NUP88: variants seen among roughly 807,000 people sequenced by gnomAD.
NUP88 encodes the protein nuclear pore complex protein Nup88.
A neutral mutation model predicts 93.9 loss-of-function variants in NUP88; 57 were observed. The observed-to-expected ratio is 0.61, with a 90% CI of 0.49 to 0.76. The LOEUF is 0.76. Ranked by LOEUF, NUP88 falls within the 30% of genes least tolerant of loss-of-function variation. The pLI, the probability that NUP88 is intolerant of heterozygous loss-of-function variation, is 0.00. For synonymous variants in NUP88, 346 were observed against 336.8 expected (o/e 1.03, Z -0.30); for missense variants, 911 against 901.0 (o/e 1.01, Z -0.14).
chr17:5,403,640 A>T (rs371568927), intron 7 of NUP88, among the ~76,000 whole-genome samples: 1 of 146,554 alleles, frequency 6.8e-6, no homozygotes, highest in Non-Finnish European at 1.5e-5. Context: ...AGCCTGGGTG[A>T]CAGAGCCAGA....
intron 2 of NUP88, among the ~76,000 whole-genome samples, chr17:5,416,167 G>GTATATATATATATATATATATA (rs377002927): frequency 1.9e-4 from 9 of 47,816 alleles, no homozygotes; most frequent in South Asian, 1.2e-3. Flanking sequence ...AAAAAAAAAA[G>GTATATATATATATATATATATA]TATATATATA....
chr17:5,386,738 C>T lies in NUP88; in HGVS notation c.2132G>A (p.Arg711Gln), dbSNP rs201897752. The T allele has an allele frequency of 5.8e-5, 94 of 1,612,882 alleles. 1 individual carries two copies. The highest frequency in any genetic ancestry group is 5.7e-4 in the African/African-American group (43 of 75,012). ...TTTCAGGATGGACTGAATGCACTTT[C>T]GCTGGTAGGCACTGAGAATAATGGT... ...KPTIILSAYQ[R>Q]KCIQSILKEE... Residue 711 changes from arginine (R) to glutamine (Q), a missense_variant, in exon 16 of 17, where the codon CGA becomes CAA. By Grantham distance (43) the Arg-to-Gln change is conservative. Coordinates refer to ENST00000573584, the MANE Select transcript of NUP88 (RefSeq NM_002532.6).
Position 5,399,619 on chromosome 17 carries a change from A to G in NUP88, c.1224T>C (p.Thr408=). 6.2e-7 allele frequency: 1 copy of G among 1,606,742 alleles called. No homozygotes were observed. Among genetic ancestry groups the G allele is most frequent in the Non-Finnish European group, 8.5e-7 (1 of 1,174,590 alleles). Residue 408 remains threonine (T), a synonymous_variant, in exon 8 of 17, where the codon ACT becomes ACC. Coordinates refer to ENST00000573584, the MANE Select transcript of NUP88 (RefSeq NM_002532.6). The part of the protein sequence containing the change: ...DPKCPSRYHC[T]HEAGVHSVGL... The stretch of plus-strand genomic sequence containing the variant: ...CAACACTATGTACACCAGCTTCATG[A>G]GTACAGTGATATCTTGAAGGACACT...
chr17:5,395,612 T>G (rs1356887487), intron 8 of NUP88, among the ~76,000 whole-genome samples: 1 of 151,546 alleles, frequency 6.6e-6, no homozygotes. Context: ...CAATGCAACC[T>G]CCGGCTTCTG....
chr17:5,415,080 C>T (rs1414407322), intron 2 of NUP88, among the ~76,000 whole-genome samples: 4 of 151,672 alleles, frequency 2.6e-5, no homozygotes, highest in African/African-American at 4.8e-5. Context: ...AGTGCAGTGG[C>T]GTGATCTTTG....
rs759064915 is a variant in NUP88, at chr17:5,386,976, A to G, written c.2043+8T>C. 2 of 1,613,750 alleles carry G rather than the reference A, an allele frequency of 1.2e-6. No individual in the cohort carries two copies. The highest frequency in any genetic ancestry group is 1.7e-6 in the Non-Finnish European group (2 of 1,179,924). On this transcript the variant is annotated splice_region_variant and intron_variant, in intron 15 of 16. Coordinates refer to ENST00000573584, the MANE Select transcript of NUP88 (RefSeq NM_002532.6). The stretch of plus-strand genomic sequence containing the variant: ...TACCAAATTTAGCTAGTTTGGATCT[A>G]TTCCTACCTGTTTGATGGCATTGCC...
At chr17:5,405,382 T>A in intron 5 of NUP88, 139 bp from the exon 6 acceptor site, 1 of 701,596 alleles carries the variant, frequency 1.4e-6, no homozygotes, top group Non-Finnish European at 2.3e-6. Flanking sequence ...CTCCATCTTC[T>A]CGCTTTCCCA....
intron 5 of NUP88, among the ~76,000 whole-genome samples, chr17:5,406,033 T>A (rs182371966): frequency 1.2e-3 from 189 of 152,346 alleles, no homozygotes; most frequent in African/African-American, 4.1e-3. Flanking sequence ...CATATTAAAT[T>A]TGATTTGACA....
intron 2 of NUP88, among the ~76,000 whole-genome samples, chr17:5,414,891 C>T (rs1304205095): frequency 6.6e-6 from 1 of 151,860 alleles, no homozygotes; most frequent in South Asian, 2.1e-4. Flanking sequence ...CACTCCAGCC[C>T]GGGCTGAGGA....
chr17:5,416,694 A>C lies in NUP88; in HGVS notation c.298-12T>G, dbSNP rs1206459652. 1 of 1,597,822 alleles carries C rather than the reference A, an allele frequency of 6.3e-7. No individual in the cohort carries two copies. Among genetic ancestry groups the C allele is most frequent in the South Asian group, 1.2e-5 (1 of 86,270 alleles). Reference sequence around the variant, plus strand: ...ATGCAAAGCAATCTCTGAAAATTAGAGCAAACCAGTCAACATAGTTAATTT... The same window carrying C: ...ATGCAAAGCAATCTCTGAAAATTAGCGCAAACCAGTCAACATAGTTAATTT... On this transcript the variant is annotated splice_polypyrimidine_tract_variant and intron_variant, in intron 1 of 16. Transcript: ENST00000573584.
At chr17:5,388,234 T>C (rs2005707) in intron 11 of NUP88, 80,211 of 182,778 alleles carry the variant, frequency 0.44, 18,615 homozygotes, top group East Asian at 0.84. Flanking sequence ...CTCCTGACCT[T>C]AGGTGATCCG....
At position 5,386,197 on chromosome 17, in the gene NUP88, C is replaced by T; in HGVS notation, c.*9G>A. On this transcript the variant is annotated 3_prime_UTR_variant, in exon 17 of 17. Coordinates refer to ENST00000573584, the MANE Select transcript of NUP88 (RefSeq NM_002532.6). ...GTTCAGTTCAGGTGTGAGTCAGCTC[C>T]TGGTGGTGTCAGAAGTTTACATGAT... 6.2e-7 allele frequency: 1 copy of T among 1,610,720 alleles called. No homozygotes were observed. The highest frequency in any genetic ancestry group is 8.5e-7 in the Non-Finnish European group (1 of 1,177,696).
chr17:5,394,642 A>G (rs1301168927), intron 9 of NUP88, among the ~76,000 whole-genome samples: 2 of 152,016 alleles, frequency 1.3e-5, no homozygotes, highest in Non-Finnish European at 2.9e-5. Context: ...AGCCAAGAGA[A>G]GACAGCAAGC....
Position 5,388,875 on chromosome 17 carries a change from C to T in NUP88, c.1570G>A (p.Glu524Lys). The change falls in exon 11 of 17, where the codon GAA (glutamate) becomes AAA (lysine). Residue 524 changes from glutamate to lysine, a missense_variant. Glu to Lys is a moderately conservative substitution (Grantham distance 56). Transcript: ENST00000573584. ...TGCTTTTCAAAGGAATCTGGGGTTT[C>T]AGCCAGAACACGGAGGGGAGACTCT... ...VAESPLRVLA[E>K]TPDSFEKHIR... 1 of 1,614,074 alleles carries T rather than the reference C, an allele frequency of 6.2e-7. No individual in the cohort carries two copies. The highest frequency in any genetic ancestry group is 2.2e-5 in the East Asian group (1 of 44,878).
chr17:5,391,041 T>A (rs921425413), intron 10 of NUP88, among the ~76,000 whole-genome samples: 1 of 152,094 alleles, frequency 6.6e-6, no homozygotes, highest in Admixed American at 6.6e-5. Context: ...ATGGAGAAAT[T>A]AAAGAGTATG....
chr17:5,410,903 C>G, intron 3 of NUP88, 114 bp from the exon 4 acceptor site: 1 of 698,216 alleles, frequency 1.4e-6, no homozygotes, highest in South Asian at 1.7e-5. Context: ...CTTATCACAA[C>G]TATTTCTTTG....
rs776755305 is a variant in NUP88, at chr17:5,419,339, T to C, written c.297+15A>G. 2.6e-6 allele frequency: 4 copies of C among 1,540,326 alleles called. No homozygotes were observed. The highest frequency in any genetic ancestry group is 1.4e-5 in the African/African-American group (1 of 71,724). ...ATCCCGGTGAGGGTCACTTCCAAGA[T>C]CGGCCTGGCATTACCTGGTACTGGG... On this transcript the variant is annotated intron_variant, in intron 1 of 16. Coordinates refer to ENST00000573584, the MANE Select transcript of NUP88 (RefSeq NM_002532.6).
intron 4 of NUP88, 24 bp from the exon 5 acceptor site, chr17:5,408,933 C>G: frequency 6.6e-7 from 1 of 1,520,208 alleles, no homozygotes; most frequent in Non-Finnish European, 8.8e-7. Context: ...TAAAAACCAA[C>G]TTGTTAAAAA....
Position 5,386,139 on chromosome 17 carries a change from T to C in NUP88, c.*67A>G. ...TTTTTATAAATTAGATAATTCTACC[T>C]GTTTTACAATATGGGTTTAAGCCTT... On this transcript the variant is annotated 3_prime_UTR_variant, in exon 17 of 17. Transcript: ENST00000573584. The C allele has an allele frequency of 1.7e-6, 2 of 1,164,104 alleles. No individual in the cohort carries two copies. Among genetic ancestry groups the C allele is most frequent in the Non-Finnish European group, 2.5e-6 (2 of 806,464 alleles). 72.1% of individuals were successfully genotyped at this position (1,164,104 alleles called of 1,614,324 possible).
Sources: allele counts gnomAD v4.1 joint callset (sites outside exome capture counted in the v4.1 genomes callset), GRCh38; gene constraint gnomAD v4.1.1; transcripts MANE v1.5; gene names NCBI Gene and HGNC (gene_info 2026-07-23, HGNC 2026-07-21).